Variants in ZCWPW2 observed in about 807,000 individuals in gnomAD.
The protein encoded by ZCWPW2 is zinc finger CW-type and PWWP domain containing 2, also known as zinc finger CW-type PWWP domain protein 2.
A neutral mutation model predicts 46.6 loss-of-function variants in ZCWPW2; 45 were observed. That is an observed-to-expected ratio of 0.96 (90% CI 0.76 to 1.24). The LOEUF is 1.24. ZCWPW2 is among the 50% of genes most tolerant of loss of function. The pLI is 0.00. For synonymous variants in ZCWPW2, 152 were observed against 137.1 expected (o/e 1.11, Z -0.76); for missense variants, 429 against 403.9 (o/e 1.06, Z -0.53).
chr3:28,521,389 A>T (rs1393416353), intron 9 of ZCWPW2, among the ~76,000 whole-genome samples: 1 of 152,154 alleles, frequency 6.6e-6, no homozygotes, highest in African/African-American at 2.4e-5. Flanking sequence ...GATGATGCTC[A>T]CTATAGCTGA....
chr3:28,436,252 T>G (rs1697485424), intron 4 of ZCWPW2, among the ~76,000 whole-genome samples: 2 of 151,970 alleles, frequency 1.3e-5, no homozygotes, highest in South Asian at 4.1e-4. Context: ...ATGCTTTCAT[T>G]AAAACTTGAT....
chr3:28,476,328 C>A (rs1424190820), intron 4 of ZCWPW2, among the ~76,000 whole-genome samples: 1 of 151,970 alleles, frequency 6.6e-6, no homozygotes, highest in Non-Finnish European at 1.5e-5. Context: ...AATTAAAATT[C>A]CTCTTAAAAT....
intron 1 of ZCWPW2, among the ~76,000 whole-genome samples, chr3:28,380,974 G>A (rs1189529335): frequency 4.3e-4 from 1 of 2,342 alleles, no homozygotes; most frequent in Admixed American, 6.7e-3. Flanking sequence ...ATATATATTT[G>A]GTATATATAT....
chr3:28,481,144 G>A (rs1052388912), intron 5 of ZCWPW2, among the ~76,000 whole-genome samples: 2 of 152,134 alleles, frequency 1.3e-5, no homozygotes, highest in African/African-American at 4.8e-5. Flanking sequence ...TTGTAGGTAT[G>A]CGGCGTTATT....
At chr3:28,361,649 A>G (rs1009050899) in intron 1 of ZCWPW2, among the ~76,000 whole-genome samples, 2 of 152,308 alleles carry the variant, frequency 1.3e-5, no homozygotes, top group East Asian at 3.9e-4. Context: ...GGGGATTAAT[A>G]TCAAAAATAT....
chr3:28,495,688 AT>A (rs1396697640), intron 6 of ZCWPW2, among the ~76,000 whole-genome samples: 1 of 151,882 alleles, frequency 6.6e-6, no homozygotes, highest in African/African-American at 2.4e-5. Context: ...TTTTTATTTA[AT>A]TTTTTCTCTA....
At chr3:28,486,272 T>C (rs529724979) in intron 5 of ZCWPW2, among the ~76,000 whole-genome samples, 2 of 152,282 alleles carry the variant, frequency 1.3e-5, no homozygotes, top group East Asian at 3.9e-4. Context: ...TATATAAGCA[T>C]ATATGCACAC....
chr3:28,453,841 T>A (rs1384345114), intron 4 of ZCWPW2, among the ~76,000 whole-genome samples: 27 of 147,932 alleles, frequency 1.8e-4, no homozygotes, highest in African/African-American at 6.0e-4. Flanking sequence ...ATTTTTATTT[T>A]TTTTATTATT....
At chr3:28,495,373 G>A (rs768241089) in intron 6 of ZCWPW2, among the ~76,000 whole-genome samples, 24 of 152,102 alleles carry the variant, frequency 1.6e-4, no homozygotes, top group Non-Finnish European at 3.4e-4. Context: ...TATTGTTAAT[G>A]TGGATAGGTT....
chr3:28,510,979 C>T, intron 6 of ZCWPW2: 1 of 444,906 alleles, frequency 2.2e-6, no homozygotes, highest in South Asian at 1.6e-5. Flanking sequence ...TCTCTACCAC[C>T]TGGTAGCTAC....
chr3:28,436,048 A>G (rs572699602), intron 4 of ZCWPW2, among the ~76,000 whole-genome samples: 1 of 152,238 alleles, frequency 6.6e-6, no homozygotes, highest in East Asian at 1.9e-4. Context: ...TCACATTATA[A>G]TTAATAGATA....
intron 4 of ZCWPW2, chr3:28,461,037 A>G (rs1238308559): frequency 4.1e-6 from 1 of 246,180 alleles, no homozygotes; most frequent in Non-Finnish European, 9.3e-6. Context: ...AGTAATGATC[A>G]ATATTTGAAA....
chr3:28,354,756 A>G (rs1190090996), intron 1 of ZCWPW2, among the ~76,000 whole-genome samples: 2 of 73,120 alleles, frequency 2.7e-5, no homozygotes, highest in African/African-American at 5.1e-5. Flanking sequence ...CGAAAACCAT[A>G]TGATTATCTC....
At position 28,349,168 on chromosome 3, in the gene ZCWPW2, G is replaced by T; in HGVS notation, c.-169G>T. Reference sequence around the variant, plus strand: ...CTCCGCGGCGGGACGGGGCGGGGCCGCGGGACGCCAGGAGGCGGAGGCGGA... The same window carrying T: ...CTCCGCGGCGGGACGGGGCGGGGCCTCGGGACGCCAGGAGGCGGAGGCGGA... On this transcript the variant is annotated 5_prime_UTR_variant, in exon 1 of 10. Transcript: ENST00000383768. The T allele has an allele frequency of 1.0e-6, 1 of 985,694 alleles. No homozygotes were observed. Among genetic ancestry groups the T allele is most frequent in the Non-Finnish European group, 1.2e-6 (1 of 830,178 alleles). The allele number at this position is 985,694 out of a possible 1,614,324, so 61.1% of individuals were successfully genotyped here.
At chr3:28,505,505 A>G (rs1211255655) in intron 6 of ZCWPW2, among the ~76,000 whole-genome samples, 2 of 152,164 alleles carry the variant, frequency 1.3e-5, no homozygotes, top group African/African-American at 4.8e-5. Context: ...TTCAAAGGAA[A>G]GTTGAAAGCA....
At chr3:28,504,014 C>T (rs1229134966) in intron 6 of ZCWPW2, among the ~76,000 whole-genome samples, 2 of 151,748 alleles carry the variant, frequency 1.3e-5, no homozygotes, top group Non-Finnish European at 2.9e-5. Flanking sequence ...TGGGTAACAT[C>T]GTGAAACTTT....
intron 3 of ZCWPW2, among the ~76,000 whole-genome samples, chr3:28,434,355 A>T (rs1475126565): frequency 2.0e-5 from 3 of 152,224 alleles, no homozygotes; most frequent in Non-Finnish European, 4.4e-5. Flanking sequence ...TAGAAAAACC[A>T]AATACAACAA....
At chr3:28,380,326 G>A (rs974862459) in intron 1 of ZCWPW2, among the ~76,000 whole-genome samples, 11 of 151,798 alleles carry the variant, frequency 7.2e-5, no homozygotes, top group Admixed American at 3.3e-4. Context: ...CTCACCACCC[G>A]TATAAATGTA....
intron 1 of ZCWPW2, among the ~76,000 whole-genome samples, chr3:28,367,547 G>A (rs1326053327): frequency 2.0e-5 from 3 of 152,158 alleles, no homozygotes; most frequent in Non-Finnish European, 2.9e-5. Context: ...CATTTGCTGA[G>A]GAGAGCTTTA....
Sources: gnomAD v4.1 joint callset for allele counts (sites outside exome capture counted in the v4.1 genomes callset) on GRCh38, gnomAD v4.1.1 for gene constraint, MANE v1.5 for transcripts, NCBI Gene and HGNC (gene_info 2026-07-23, HGNC 2026-07-21) for gene names.